Variants in DISC1 observed in about 807,000 individuals in gnomAD.
The protein encoded by DISC1 is DISC1 scaffold protein, also known as disrupted in schizophrenia 1 protein.
A neutral mutation model predicts 84.5 loss-of-function variants in DISC1; 57 were observed. The ratio of observed to expected loss-of-function variants is 0.67; its 90% CI spans 0.55 to 0.84. DISC1 has a LOEUF of 0.84. Among genes scored for constraint, DISC1 ranks in the 40% least tolerant of loss-of-function variants. The pLI, the probability that DISC1 is intolerant of heterozygous loss-of-function variation, is 0.00. For synonymous variants in DISC1, 411 were observed against 415.2 expected (o/e 0.99, Z 0.12); for missense variants, 1,000 against 1,057.8 (o/e 0.95, Z 0.76).
At chr1:231,912,290 G>T (rs1201480464) in intron 9 of DISC1, among the ~76,000 whole-genome samples, 3 of 152,124 alleles carry the variant, frequency 2.0e-5, no homozygotes, top group African/African-American at 7.2e-5. Flanking sequence ...TTCTGCTCTG[G>T]TTTCTCCCCA....
At position 231,630,642 on chromosome 1, in the gene DISC1, A is replaced by G. The variant is rs2058640080; in HGVS notation, c.67+3708A>G. ...TTTTCAGTCAGCACCGTTTAGTAATATAAGACTTTTAGCCTCGAGGAGTCT... is the reference window on the plus strand; with the variant it reads ...TTTTCAGTCAGCACCGTTTAGTAATGTAAGACTTTTAGCCTCGAGGAGTCT... On this transcript the variant is annotated intron_variant, in intron 1 of 12. Coordinates refer to ENST00000439617, the MANE Select transcript of DISC1 (RefSeq NM_018662.3). The surrounding 1 kb of genome is among the most constrained non-coding windows in gnomAD (Gnocchi z 4.4). Among the ~76,000 whole-genome samples, 1 of 152,134 alleles carries G rather than the reference A, an allele frequency of 6.6e-6. No homozygotes were observed. The highest frequency in any genetic ancestry group is 6.5e-5 in the Admixed American group (1 of 15,276).
At chr1:231,706,235 T>C (rs2067074257) in intron 3 of DISC1, among the ~76,000 whole-genome samples, 1 of 152,208 alleles carries the variant, frequency 6.6e-6, no homozygotes, top group Non-Finnish European at 1.5e-5. Flanking sequence ...ATTCATTAGA[T>C]TCATTGCATT....
At chr1:231,670,708 G>A (rs988998402) in intron 1 of DISC1, 1 of 152,144 alleles carries the variant, frequency 6.6e-6, no homozygotes, top group African/African-American at 2.4e-5. Flanking sequence ...GAACAACTCT[G>A]AGACTTAAAC....
chr1:231,722,627 C>A, intron 3 of DISC1: 1 of 1,614,004 alleles, frequency 6.2e-7, no homozygotes, highest in South Asian at 1.1e-5. Context: ...TTAAACAAAG[C>A]AAGACAAATA....
chr1:232,008,944 C>T lies in DISC1; in HGVS notation c.2202C>T (p.Pro734=), dbSNP rs138051341. 22 of 1,613,582 alleles carry T rather than the reference C, an allele frequency of 1.4e-5. No homozygotes were observed. Among genetic ancestry groups the T allele is most frequent in the Admixed American group, 1.2e-4 (7 of 59,974 alleles). The change falls in exon 11 of 13, where the codon CCC becomes CCT. Residue 734 remains proline (P), a synonymous_variant. Coordinates refer to ENST00000439617, the MANE Select transcript of DISC1 (RefSeq NM_018662.3). ...AGGGAGCTGCTCCTCCTATTCCCCC[C>T]AGGCTCCACTCCGAGGATAAAAGGA... is the stretch of plus-strand genomic sequence containing the variant. ...DLEGAAPPIP[P]RLHSEDKRKT... is the part of the protein sequence containing the mutation.
At chr1:231,912,788 T>TCTTTCTTTCTTG (rs1491439551) in intron 9 of DISC1, among the ~76,000 whole-genome samples, 49 of 145,122 alleles carry the variant, frequency 3.4e-4, no homozygotes, top group African/African-American at 1.1e-3. Flanking sequence ...TTTCTTTCTT[T>TCTTTCTTTCTTG]CTTTCTTTCT....
intron 9 of DISC1, among the ~76,000 whole-genome samples, chr1:231,903,166 A>G (rs1390651838): frequency 6.6e-6 from 1 of 150,748 alleles, no homozygotes; most frequent in African/African-American, 2.4e-5. Flanking sequence ...GGCTCAAGTG[A>G]TCCTCCCACC....
intron 7 of DISC1, among the ~76,000 whole-genome samples, chr1:231,798,850 G>T (rs1558563874): frequency 6.6e-6 from 1 of 152,160 alleles, no homozygotes; most frequent in Admixed American, 6.6e-5. Context: ...GAGAGAAAGA[G>T]TGGAGTATTT....
At chr1:231,985,105 G>A (rs1306889529) in intron 10 of DISC1, among the ~76,000 whole-genome samples, 2 of 152,074 alleles carry the variant, frequency 1.3e-5, no homozygotes, top group Non-Finnish European at 2.9e-5. Flanking sequence ...TGGGTCACCT[G>A]AGGTCAGAAG....
intron 9 of DISC1, among the ~76,000 whole-genome samples, chr1:231,845,198 T>A (rs1020258295): frequency 6.6e-6 from 1 of 152,204 alleles, no homozygotes; most frequent in Admixed American, 6.5e-5. Context: ...TAGAGTTCTC[T>A]GGCCTGGCAG....
intron 10 of DISC1, among the ~76,000 whole-genome samples, chr1:231,996,587 G>C (rs530654894): frequency 6.6e-6 from 1 of 152,084 alleles, no homozygotes; most frequent in African/African-American, 2.4e-5. Context: ...TGAAACTCTA[G>C]GCATCTGTGT....
intron 4 of DISC1, among the ~76,000 whole-genome samples, chr1:231,762,893 C>T (rs1448715005): frequency 1.3e-5 from 2 of 152,134 alleles, no homozygotes; most frequent in Admixed American, 1.3e-4. Flanking sequence ...TTGTTATCAT[C>T]ATCACTGTCA....
At chr1:231,738,396 C>T (rs1287904713) in intron 3 of DISC1, among the ~76,000 whole-genome samples, 2 of 152,182 alleles carry the variant, frequency 1.3e-5, no homozygotes, top group Admixed American at 6.5e-5. Context: ...AGTACTCAAT[C>T]GTTCTCTGTC....
chr1:231,983,869 A>G (rs931540883), intron 10 of DISC1, among the ~76,000 whole-genome samples: 2 of 152,150 alleles, frequency 1.3e-5, no homozygotes, highest in African/African-American at 4.8e-5. Context: ...CGTGTTGATG[A>G]TTGTATTCAT....
intron 6 of DISC1, among the ~76,000 whole-genome samples, chr1:231,787,919 T>A (rs2078016337): frequency 6.6e-6 from 1 of 152,178 alleles, no homozygotes; most frequent in Admixed American, 6.5e-5. Flanking sequence ...CCAGCCTGTA[T>A]TAGTTTGCTG....
At chr1:231,794,467 G>A (rs762231616) in intron 6 of DISC1, among the ~76,000 whole-genome samples, 11 of 152,084 alleles carry the variant, frequency 7.2e-5, no homozygotes, top group South Asian at 6.2e-4. Context: ...ATATTATAGC[G>A]AATTGCATGC....
In DISC1 at chr1:231,658,061, T is replaced by C. The variant is rs370726863; in HGVS notation, c.67+31127T>C. On this transcript the variant is annotated intron_variant, in intron 1 of 12. Coordinates refer to ENST00000439617, the MANE Select transcript of DISC1 (RefSeq NM_018662.3). Reference sequence around the variant, plus strand: ...TGGGAATAGCATTGAATCTATAAATTGCTTTGGGCAGTATGGCTATTTTCA... The same window carrying C: ...TGGGAATAGCATTGAATCTATAAATCGCTTTGGGCAGTATGGCTATTTTCA... Among the ~76,000 whole-genome samples, 28 of 152,368 alleles carry C rather than the reference T, an allele frequency of 1.8e-4. No homozygotes were observed. The South Asian group carries it at 5.4e-3, about 29-fold the overall frequency.
intron 3 of DISC1, among the ~76,000 whole-genome samples, chr1:231,719,174 G>A (rs1266853260): frequency 6.6e-6 from 1 of 152,214 alleles, no homozygotes; most frequent in African/African-American, 2.4e-5. Context: ...TTGAGTGCTT[G>A]GTATATTCTC....
intron 3 of DISC1, among the ~76,000 whole-genome samples, chr1:231,714,021 A>G (rs1358296940): frequency 1.3e-5 from 2 of 151,882 alleles, no homozygotes; most frequent in Non-Finnish European, 2.9e-5. Context: ...AAGAATCCAC[A>G]AGAAAGCTGC....
Sources: allele counts gnomAD v4.1 joint callset (sites outside exome capture counted in the v4.1 genomes callset), GRCh38; gene constraint gnomAD v4.1.1; non-coding constraint Gnocchi (gnomAD v3.1); transcripts MANE v1.5; gene names NCBI Gene and HGNC (gene_info 2026-07-23, HGNC 2026-07-21).